The following REPS2 variants were observed in gnomAD, a reference collection of about 807,000 sequenced individuals.
The protein encoded by REPS2 is ralBP1-associated Eps domain-containing protein 2.
In REPS2, 23 loss-of-function variants were observed where a neutral mutation model predicts 53.6. That is an observed-to-expected ratio of 0.43 (90% confidence interval 0.31 to 0.61). The LOEUF (loss-of-function observed/expected upper bound fraction) is 0.61, where lower values mean the gene tolerates loss of function less well. REPS2 is among the 20% of genes least tolerant of loss of function. The pLI is 0.11. For missense variants in REPS2, 446 were observed against 534.9 expected (o/e 0.83, Z 1.64); for synonymous variants, 238 against 218.6 (o/e 1.09, Z -0.78).
chrX:17,058,801 A>G (rs1235897048), intron 8 of REPS2, among the ~76,000 whole-genome samples: 1 of 111,467 alleles, frequency 9.0e-6, no homozygotes, highest in Non-Finnish European at 1.9e-5. Flanking sequence ...GAAAGAACCC[A>G]TAAAACTCTA....
At chrX:17,182,140 G>GTCTATCTA in the REPS2 span, among the ~76,000 whole-genome samples, 718 of 101,239 alleles carry the variant, frequency 7.1e-3, 3 homozygotes, top group East Asian at 0.013. Flanking sequence ...TGCTCTATCT[G>GTCTATCTA]TCTATCTATC....
intron 13 of REPS2, among the ~76,000 whole-genome samples, chrX:17,093,194 ATATATAATT>A (rs2062646119): frequency 2.3e-5 from 1 of 43,099 alleles, no homozygotes; most frequent in African/African-American, 1.0e-4. Context: ...ATATATATAT[ATATATAATT>A]TTTTTTTTGG....
At chrX:17,068,996 G>A (rs923058741) in intron 10 of REPS2, among the ~76,000 whole-genome samples, 2 of 111,771 alleles carry the variant, frequency 1.8e-5, no homozygotes, top group East Asian at 5.6e-4. Flanking sequence ...AGCATTCCGT[G>A]TTAGAGCTAC....
intron 1 of REPS2, among the ~76,000 whole-genome samples, chrX:16,979,021 C>T (rs2060989828): frequency 8.9e-6 from 1 of 111,852 alleles, no homozygotes; most frequent in South Asian, 3.7e-4. Context: ...TTTTTAATGC[C>T]ATAAAAAAGG....
intron 11 of REPS2, among the ~76,000 whole-genome samples, chrX:17,071,119 G>A (rs1361672057): frequency 8.9e-6 from 1 of 112,103 alleles, no homozygotes; most frequent in African/African-American, 3.2e-5. Context: ...CAAAAGTGAT[G>A]GGAATTCCCA....
intron 1 of REPS2, among the ~76,000 whole-genome samples, chrX:16,992,332 C>G: frequency 9.0e-6 from 1 of 111,637 alleles, no homozygotes; most frequent in Non-Finnish European, 1.9e-5. Context: ...TTAGACTTCC[C>G]AGCCTCCAGA....
chrX:17,126,767 G>A (rs1361399778), intron 14 of REPS2, among the ~76,000 whole-genome samples: 1 of 111,432 alleles, frequency 9.0e-6, no homozygotes, highest in Non-Finnish European at 1.9e-5. Context: ...CCCATTCATC[G>A]TATTGTCTGT....
downstream of REPS2, among the ~76,000 whole-genome samples, chrX:17,154,117 G>C (rs927836209): frequency 9.0e-6 from 1 of 111,662 alleles, no homozygotes; most frequent in Non-Finnish European, 1.9e-5. Flanking sequence ...GGGTGATGCT[G>C]ATGTACGCTA....
intron 11 of REPS2, among the ~76,000 whole-genome samples, chrX:17,073,528 G>A (rs2062337446): frequency 8.9e-6 from 1 of 111,920 alleles, no homozygotes; most frequent in South Asian, 3.7e-4. Context: ...AAAAGATTCA[G>A]CGATATTGTT....
intron 14 of REPS2, among the ~76,000 whole-genome samples, chrX:17,113,562 A>G (rs973670733): frequency 2.7e-5 from 3 of 111,603 alleles, no homozygotes; most frequent in African/African-American, 9.8e-5. Flanking sequence ...TGAAGAAACA[A>G]TTCTGTTTCG....
rs927594543 is a variant in REPS2, at chrX:17,133,717, G to T, written c.1579-107G>T. The T allele has an allele frequency of 1.0e-5, 7 of 676,790 alleles. No individual in the cohort carries two copies. In the South Asian group the frequency reaches 1.2e-4, roughly 12 times the overall value. 55.8% of individuals were successfully genotyped at this position (676,790 alleles called of 1,213,427 possible). A position where few individuals can be genotyped will look rare whatever the true frequency, so the allele number is the denominator to read the frequency against. Reference sequence around the variant, plus strand: ...CTTAAGCATTCTTGGCTGCAACTTGGCCTAAATCAGTTTTCCCTTGGTGAC... The same window carrying T: ...CTTAAGCATTCTTGGCTGCAACTTGTCCTAAATCAGTTTTCCCTTGGTGAC... On this transcript the variant is annotated intron_variant, in intron 14 of 17. Coordinates refer to ENST00000357277, the MANE Select transcript of REPS2 (RefSeq NM_004726.3).
In REPS2 at chrX:16,946,879, G is replaced by GGCGGCGGCGGCGGCAGCGGCA. The variant is rs1290028596; in HGVS notation, c.24_44dup (p.Ala11_Ala17dup). The GGCGGCGGCGGCGGCAGCGGCA allele has an allele frequency of 2.6e-6, 2 of 765,264 alleles. No homozygotes were observed. Among genetic ancestry groups the GGCGGCGGCGGCGGCAGCGGCA allele is most frequent in the African/African-American group, 2.4e-5 (1 of 41,979 alleles). The allele number at this position is 765,264 out of a possible 1,213,427, so 63.1% of individuals were successfully genotyped here. A position where few individuals can be genotyped will look rare whatever the true frequency, so the allele number is the denominator to read the frequency against. Reference sequence around the variant, plus strand: ...CTGGCCCCATGGAGGCGGCAGCGGCGGCGGCGGCGGCGGCAGCGGCAGCGG... The same window carrying GGCGGCGGCGGCGGCAGCGGCA: ...CTGGCCCCATGGAGGCGGCAGCGGCGGCGGCGGCGGCGGCAGCGGCAGCGGCGGCGGCGGCAGCGGCAGCGG... On this transcript the variant is annotated inframe_insertion, in exon 1 of 18. Coordinates refer to ENST00000357277, the MANE Select transcript of REPS2 (RefSeq NM_004726.3).
At chrX:17,003,189 G>A (rs2147790901) in intron 1 of REPS2, among the ~76,000 whole-genome samples, 1 of 111,885 alleles carries the variant, frequency 8.9e-6, no homozygotes, top group East Asian at 2.8e-4. Context: ...CAATTGTGCT[G>A]TGTTGCAAGG....
At chrX:17,018,436 A>G (rs1027297338) in intron 2 of REPS2, among the ~76,000 whole-genome samples, 1 of 109,847 alleles carries the variant, frequency 9.1e-6, no homozygotes, top group Non-Finnish European at 1.9e-5. Flanking sequence ...TGATCTGCCC[A>G]CCTCAGCCTC....
chrX:17,050,150 CTTTCTTT>C (rs2147921941), intron 6 of REPS2, among the ~76,000 whole-genome samples: 1 of 32,865 alleles, frequency 3.0e-5, no homozygotes, highest in African/African-American at 1.7e-4. Flanking sequence ...TCCTTTCTTT[CTTTCTTT>C]CTTTCTTTCT....
At chrX:17,043,579 T>C (rs1407413493) in intron 5 of REPS2, among the ~76,000 whole-genome samples, 1 of 109,829 alleles carries the variant, frequency 9.1e-6, no homozygotes, top group Non-Finnish European at 1.9e-5. Context: ...GGCGCCCTCA[T>C]AACTTTAAGT....
At chrX:17,120,711 G>T (rs1351763964) in intron 14 of REPS2, among the ~76,000 whole-genome samples, 1 of 111,591 alleles carries the variant, frequency 9.0e-6, no homozygotes. Flanking sequence ...CCTCATCTGT[G>T]ACCTTTCATG....
chrX:17,011,613 A>G (rs1475738688), intron 2 of REPS2, among the ~76,000 whole-genome samples: 1 of 112,389 alleles, frequency 8.9e-6, no homozygotes, highest in Non-Finnish European at 1.9e-5. Context: ...AAATTGTTAT[A>G]TAACAACATA....
At chrX:17,161,149 G>C in the REPS2 span, among the ~76,000 whole-genome samples, 990 of 111,079 alleles carry the variant, frequency 8.9e-3, 12 homozygotes, top group African/African-American at 0.031. Context: ...TTTGCATATG[G>C]AATAGATGGG....
Sources: gnomAD v4.1 joint callset for allele counts (sites outside exome capture counted in the v4.1 genomes callset) on GRCh38, gnomAD v4.1.1 for gene constraint, MANE v1.5 for transcripts, NCBI Gene and HGNC (gene_info 2026-07-23, HGNC 2026-07-21) for gene names.